The following PTCSC3 variants were observed in gnomAD, a reference collection of about 807,000 sequenced individuals.
PTCSC3 encodes papillary thyroid carcinoma susceptibility candidate 3 (non-protein coding).
At chr14:36,154,557 G>T (rs1319670185) in intron 2 of PTCSC3, among the ~76,000 whole-genome samples, 1 of 152,102 alleles carries the variant, frequency 6.6e-6, no homozygotes, top group African/African-American at 2.4e-5. Context: ...ATCACTCTAG[G>T]AACTGTGTGA....
chr14:36,152,602 C>T (rs1881746970), intron 3 of PTCSC3, among the ~76,000 whole-genome samples: 1 of 152,068 alleles, frequency 6.6e-6, no homozygotes, highest in South Asian at 2.1e-4. Context: ...ACTACGACAA[C>T]AACAACAAAA....
chr14:36,175,360 G>T (rs1882265158), intron 1 of PTCSC3, among the ~76,000 whole-genome samples: 1 of 151,966 alleles, frequency 6.6e-6, no homozygotes, highest in Admixed American at 6.5e-5. Context: ...TCCCGTTTTA[G>T]AGTAGTTTTG....
intron 1 of PTCSC3, among the ~76,000 whole-genome samples, chr14:36,163,858 G>C (rs1452912142): frequency 6.6e-6 from 1 of 152,166 alleles, no homozygotes; most frequent in African/African-American, 2.4e-5. Context: ...CAGGAGGTAA[G>C]ATTAAGTATT....
chr14:36,158,972 G>A (rs146895138), intron 2 of PTCSC3, among the ~76,000 whole-genome samples: 2,289 of 152,186 alleles, frequency 0.015, 31 homozygotes, highest in South Asian at 0.032. Flanking sequence ...TCTTCCTGGT[G>A]TAGACTTGGG....
Position 36,145,362 on chromosome 14 carries a change from T to G in PTCSC3, n.322+8442A>C, listed in dbSNP as rs201324332. 7.1e-4 allele frequency among the ~76,000 whole-genome samples: 107 copies of G among 151,526 alleles called. 3 individuals carry two copies. The East Asian group carries it at 0.02, about 28-fold the overall frequency. ...ATCCTGTTATTGGTCTATTCAGAGA[T>G]TCAACTTCTTCCTGGTTTAGTCTTG... On this transcript the variant is annotated intron_variant and non_coding_transcript_variant, in intron 3 of 3. Coordinates refer to ENST00000556013, the Ensembl canonical transcript of PTCSC3.
intron 1 of PTCSC3, among the ~76,000 whole-genome samples, chr14:36,172,941 GCT>G (rs1882215871): frequency 1.3e-5 from 2 of 149,682 alleles, no homozygotes; most frequent in African/African-American, 4.9e-5. Context: ...CTTAAAACTT[GCT>G]TTGTTTTTTT....
intron 3 of PTCSC3, among the ~76,000 whole-genome samples, chr14:36,139,796 A>G (rs907037635): frequency 6.6e-6 from 1 of 152,186 alleles, no homozygotes; most frequent in Non-Finnish European, 1.5e-5. Context: ...TTAGTGTGGT[A>G]TATTTGTTAT....
At chr14:36,151,958 G>T (rs946329158) in intron 3 of PTCSC3, among the ~76,000 whole-genome samples, 3 of 152,196 alleles carry the variant, frequency 2.0e-5, no homozygotes, top group Non-Finnish European at 2.9e-5. Context: ...TCATGAAAAT[G>T]ATTTTTCATT....
chr14:36,175,935 A>C (rs1444539661), intron 1 of PTCSC3, among the ~76,000 whole-genome samples: 2 of 152,224 alleles, frequency 1.3e-5, no homozygotes, highest in African/African-American at 2.4e-5. Context: ...TCCCAATTTC[A>C]GAAAGAGCTT....
chr14:36,139,415 G>T (rs968605731), intron 3 of PTCSC3, among the ~76,000 whole-genome samples: 1 of 152,086 alleles, frequency 6.6e-6, no homozygotes, highest in African/African-American at 2.4e-5. Context: ...TATAATAACA[G>T]AAAATAATAA....
At chr14:36,147,914 C>A (rs1015745671) in intron 3 of PTCSC3, among the ~76,000 whole-genome samples, 3 of 151,956 alleles carry the variant, frequency 2.0e-5, no homozygotes, top group African/African-American at 4.8e-5. Context: ...TGTTGGAATA[C>A]CCTGCCGTGT....
At chr14:36,141,215 TG>T (rs1031505678) in intron 3 of PTCSC3, among the ~76,000 whole-genome samples, 1 of 152,216 alleles carries the variant, frequency 6.6e-6, no homozygotes, top group Non-Finnish European at 1.5e-5. Flanking sequence ...TTGGCTCTTC[TG>T]AGTGTTTTGT....
downstream of PTCSC3, among the ~76,000 whole-genome samples, chr14:36,135,898 T>C (rs191348502): frequency 2.0e-5 from 3 of 150,602 alleles, no homozygotes; most frequent in African/African-American, 4.9e-5. Flanking sequence ...TGTATATATA[T>C]ATGTGTGTGT....
intron 2 of PTCSC3, among the ~76,000 whole-genome samples, chr14:36,162,097 T>C (rs1881969031): frequency 6.6e-6 from 1 of 152,068 alleles, no homozygotes; most frequent in Non-Finnish European, 1.5e-5. Flanking sequence ...TTCAGACTGC[T>C]GTGCTGGCAC....
intron 3 of PTCSC3, among the ~76,000 whole-genome samples, chr14:36,140,559 C>A (rs1262144332): frequency 6.6e-6 from 1 of 152,138 alleles, no homozygotes; most frequent in Non-Finnish European, 1.5e-5. Context: ...AGTAGTACCT[C>A]AATTTTCAAT....
At chr14:36,161,119 C>G (rs573818603) in intron 2 of PTCSC3, among the ~76,000 whole-genome samples, 23 of 152,256 alleles carry the variant, frequency 1.5e-4, no homozygotes, top group Non-Finnish European at 2.9e-5. Context: ...AGCAATTAGT[C>G]TAATCTTTTT....
chr14:36,141,497 C>T (rs1881419925), intron 3 of PTCSC3, among the ~76,000 whole-genome samples: 1 of 151,850 alleles, frequency 6.6e-6, no homozygotes, highest in Non-Finnish European at 1.5e-5. Flanking sequence ...GGATTACAGG[C>T]ACATGCCACC....
chr14:36,156,525 C>G (rs1356537508), intron 2 of PTCSC3, among the ~76,000 whole-genome samples: 3 of 152,162 alleles, frequency 2.0e-5, no homozygotes, highest in Admixed American at 6.5e-5. Context: ...CGCCCGTCAT[C>G]TACATTAGGT....
rs536545310 is a variant in PTCSC3, at chr14:36,150,164, A to G, written n.322+3640T>C. Among the ~76,000 whole-genome samples the G allele has an allele frequency of 2.4e-4, 37 of 152,254 alleles. 1 individual carries two copies. The South Asian group carries it at 7.7e-3, about 32-fold the overall frequency. On this transcript the variant is annotated intron_variant and non_coding_transcript_variant, in intron 3 of 3. Transcript: ENST00000556013. ...TATATTTAGGTCATTTAGATCTACT[A>G]TGGTCTGCATGTTTATGTCCCCTCA...
Sources: gnomAD v4.1 joint callset for allele counts (sites outside exome capture counted in the v4.1 genomes callset) on GRCh38, gnomAD v4.1.1 for gene constraint, MANE v1.5 for transcripts, NCBI Gene and HGNC (gene_info 2026-07-23, HGNC 2026-07-21) for gene names.